Variants in SALL3 observed in about 807,000 individuals in gnomAD.
SALL3 encodes spalt like transcription factor 3, also known as sal-like protein 3.
SALL3 carries 25 observed loss-of-function variants against 66.2 expected under a neutral mutation model. The observed-to-expected ratio is 0.38, with a 90% CI of 0.28 to 0.53. The LOEUF is 0.53. Ranked by LOEUF, SALL3 falls within the 20% of genes least tolerant of loss-of-function variation. The probability of loss-of-function intolerance (pLI) is 0.85; values close to 1 mark genes in which losing one functional copy is unlikely to be tolerated. For synonymous variants in SALL3, 1,152 were observed against 899.1 expected, an observed-to-expected ratio of 1.28 and a Z score of -5.03; for missense variants, 2,194 against 1,916.5, an observed-to-expected ratio of 1.14 and a Z score of -2.70.
rs773605037 is a variant in SALL3, at chr18:78,994,634, G to A, written c.2643G>A (p.Ser881=). The A allele has an allele frequency of 3.0e-5, 49 of 1,608,882 alleles. 1 individual carries two copies. The Admixed American group carries it at 5.9e-4, about 19-fold the overall frequency. ...ACCGCCTGAGCAACGACTCCTCGTC[G>A]GCCGTGGGCGACCTGGAGAGCCGCA... ...ESDRLSNDSS[S]AVGDLESRSA... The change falls in exon 2 of 3, where the codon TCG becomes TCA. Residue 881 remains serine (S), a synonymous_variant. Coordinates refer to ENST00000537592, the MANE Select transcript of SALL3 (RefSeq NM_171999.4).
intron 1 of SALL3, among the ~76,000 whole-genome samples, chr18:78,982,417 C>A (rs1914102799): frequency 6.6e-6 from 1 of 152,186 alleles, no homozygotes; most frequent in Admixed American, 6.5e-5. Context: ...GCCCAAAATA[C>A]CCTGTGTGGG....
chr18:78,994,414 A>C lies in SALL3; in HGVS notation c.2423A>C (p.Asp808Ala), dbSNP rs775506841. 6.2e-7 allele frequency: 1 copy of C among 1,612,850 alleles called. No individual in the cohort carries two copies. Among genetic ancestry groups the C allele is most frequent in the South Asian group, 1.1e-5 (1 of 91,080 alleles). ...ATGGACGAGAACTCCATGGAGGACG[A>C]CGCTGAGCTGAAGGACGCGGCCACC... The part of the protein sequence containing the change: ...DDMDENSMED[D>A]AELKDAATDP... The change falls in exon 2 of 3, where the codon GAC becomes GCC. Residue 808 changes from aspartate (D) to alanine (A), a missense_variant. Asp to Ala is a moderately radical substitution (Grantham distance 126, BLOSUM62 -2). Coordinates refer to ENST00000537592, the MANE Select transcript of SALL3 (RefSeq NM_171999.4).
chr18:78,994,007 C>T lies in SALL3; in HGVS notation c.2016C>T (p.Asp672=). The T allele has an allele frequency of 6.2e-7, 1 of 1,612,474 alleles. No homozygotes were observed. The highest frequency in any genetic ancestry group is 8.5e-7 in the Non-Finnish European group (1 of 1,179,764). The stretch of plus-strand genomic sequence containing the variant: ...TGCAGCAGCTGGTGGAGAACATCGA[C>T]AAGAAGATGACGGACCCGAACCAGT... ...SKLQQLVENI[D]KKMTDPNQCV... is the part of the protein sequence containing the mutation. The change falls in exon 2 of 3, where the codon GAC becomes GAT. Residue 672 remains aspartate, a synonymous_variant. Coordinates refer to ENST00000537592, the MANE Select transcript of SALL3 (RefSeq NM_171999.4).
rs148335210 is a variant in SALL3 at position 78,997,145 on chromosome 18, C to G, written c.3726C>G (p.Pro1242=). Residue 1242 remains proline (P), a synonymous_variant, in exon 3 of 3, where the codon CCC becomes CCG. Coordinates refer to ENST00000537592, the MANE Select transcript of SALL3 (RefSeq NM_171999.4). Reference sequence around the variant, plus strand: ...AGAACGGCGGCATCCCCCAGCTCCCCGTGAGTCTTGGGGGCAGCGCCCTCC... The same window carrying G: ...AGAACGGCGGCATCCCCCAGCTCCCGGTGAGTCTTGGGGGCAGCGCCCTCC... ...VIQNGGIPQL[P]VSLGGSALPP... is the part of the protein sequence containing the mutation. 5.0e-6 allele frequency: 8 copies of G among 1,613,920 alleles called. No individual in the cohort carries two copies. The South Asian group carries it at 6.6e-5, about 13-fold the overall frequency.
In SALL3 at chr18:78,997,255, CAG is replaced by C. The variant is rs1914729357; in HGVS notation, c.3838_3839del (p.Glu1280AsnfsTer14). 2.5e-6 allele frequency: 4 copies of C among 1,613,902 alleles called. No homozygotes were observed. The African/African-American group carries it at 5.3e-5, about 22-fold the overall frequency. ...ATCGTCAGCTTGGACAAAGCGAGCT[CAG>C]AAACAGCAGCCAGCCGCCCATTCAC... is the stretch of plus-strand genomic sequence containing the variant. On this transcript the variant is annotated frameshift_variant, in exon 3 of 3. Coordinates refer to ENST00000537592, the MANE Select transcript of SALL3 (RefSeq NM_171999.4). LOFTEE classifies it high-confidence loss of function.
In SALL3 at chr18:78,992,060, T is replaced by G. The variant is rs757595245; in HGVS notation, c.83-14T>G. The G allele has an allele frequency of 6.9e-7, 1 of 1,449,414 alleles. No individual in the cohort carries two copies. The highest frequency in any genetic ancestry group is 1.5e-5 in the African/African-American group (1 of 68,648). 89.8% of individuals were successfully genotyped at this position (1,449,414 alleles called of 1,614,324 possible). ...GCGCCGAGCCCCGGCTGACTCACTC[T>G]CTTGGTCTTGCAGCCGCCCCGGGGG... is the stretch of plus-strand genomic sequence containing the variant. On this transcript the variant is annotated splice_polypyrimidine_tract_variant and intron_variant, in intron 1 of 2. Transcript: ENST00000537592.
chr18:78,996,354 C>G (rs1166397370), intron 2 of SALL3, among the ~76,000 whole-genome samples: 1 of 152,248 alleles, frequency 6.6e-6, no homozygotes, highest in African/African-American at 2.4e-5. Flanking sequence ...GCCCAAAGAT[C>G]GATGCCTGTG....
Position 78,994,222 on chromosome 18 carries a change from G to A in SALL3, c.2231G>A (p.Cys744Tyr). The stretch of plus-strand genomic sequence containing the variant: ...CGCGTGCAGCACTCCTGCCCCATCT[G>A]CCAGAAGAAGTTCACCAACGCCGTG... Reference protein sequence around the residue: ...PLRVQHSCPICQKKFTNAVVL... With the variant: ...PLRVQHSCPIYQKKFTNAVVL... The change falls in exon 2 of 3, where the codon TGC becomes TAC. Residue 744 changes from cysteine (C) to tyrosine (Y), a missense_variant. Cys to Tyr is a radical substitution (Grantham distance 194). Coordinates refer to ENST00000537592, the MANE Select transcript of SALL3 (RefSeq NM_171999.4). 6.2e-7 allele frequency: 1 copy of A among 1,613,660 alleles called. No individual in the cohort carries two copies. Among genetic ancestry groups the A allele is most frequent in the Non-Finnish European group, 8.5e-7 (1 of 1,179,996 alleles).
chr18:78,993,036 G>A lies in SALL3; in HGVS notation c.1045G>A (p.Gly349Arg). ...ATCCACGCCGCCTGCCCTGGCCCCG[G>A]GGTCCCTGCTGGGTGCGGCGCCCGG... Reference protein sequence around the residue: ...SASTPPALAPGSLLGAAPGLP... With the variant: ...SASTPPALAPRSLLGAAPGLP... The change falls in exon 2 of 3, where the codon GGG (glycine) becomes AGG (arginine). Residue 349 changes from glycine to arginine, a missense_variant. Coordinates refer to ENST00000537592, the MANE Select transcript of SALL3 (RefSeq NM_171999.4). The A allele has an allele frequency of 6.4e-7, 1 of 1,574,214 alleles. No homozygotes were observed. The highest frequency in any genetic ancestry group is 8.6e-7 in the Non-Finnish European group (1 of 1,167,508).
rs1179196194 is a variant in SALL3, at chr18:78,980,368, G to A, written c.82+12G>A. 4 of 1,406,264 alleles carry A rather than the reference G, an allele frequency of 2.8e-6. No individual in the cohort carries two copies. The highest frequency in any genetic ancestry group is 3.7e-6 in the Non-Finnish European group (4 of 1,071,478). 87.1% of individuals were successfully genotyped at this position (1,406,264 alleles called of 1,614,324 possible). A position where few individuals can be genotyped will look rare whatever the true frequency, so the allele number is the denominator to read the frequency against. On this transcript the variant is annotated intron_variant, in intron 1 of 2. Coordinates refer to ENST00000537592, the MANE Select transcript of SALL3 (RefSeq NM_171999.4). ...GGCTCCCGAGCACGGTGAGGGCCGG[G>A]GCTGCGGGGTGGCCGGGGGGTCTGG...
At chr18:78,985,633 C>G (rs1218984342) in intron 1 of SALL3, among the ~76,000 whole-genome samples, 1 of 152,154 alleles carries the variant, frequency 6.6e-6, no homozygotes, top group African/African-American at 2.4e-5. Context: ...TCGCCTGATC[C>G]CGAGTGTGAG....
chr18:78,985,306 A>T (rs1439499667), intron 1 of SALL3, among the ~76,000 whole-genome samples: 1 of 152,232 alleles, frequency 6.6e-6, no homozygotes, highest in African/African-American at 2.4e-5. Flanking sequence ...CATCTAGTTC[A>T]GCACAAGTGT....
At position 78,992,475 on chromosome 18, in the gene SALL3, C is replaced by CCCAGCACCAACGTGA; in HGVS notation, c.487_501dup (p.Ser163_Thr167dup). On this transcript the variant is annotated inframe_insertion, in exon 2 of 3. Transcript: ENST00000537592. ...ACCCCCAACGCCCGCCTACGGCGCG[C>CCCAGCACCAACGTGA]CCAGCACCAACGTGACCCTGGAGGC... is the stretch of plus-strand genomic sequence containing the variant. The CCCAGCACCAACGTGA allele has an allele frequency of 6.9e-7, 1 of 1,457,388 alleles. No individual in the cohort carries two copies. 90.3% of individuals were successfully genotyped at this position (1,457,388 alleles called of 1,614,324 possible).
intron 1 of SALL3, among the ~76,000 whole-genome samples, chr18:78,987,806 T>C (rs963260376): frequency 2.0e-5 from 3 of 152,224 alleles, no homozygotes; most frequent in Non-Finnish European, 4.4e-5. Context: ...GTTCTGTTAG[T>C]TGGTGAACTG....
At chr18:78,981,623 G>A (rs973120391) in intron 1 of SALL3, among the ~76,000 whole-genome samples, 2 of 152,160 alleles carry the variant, frequency 1.3e-5, no homozygotes, top group African/African-American at 4.8e-5. Context: ...TGAGCTCGCT[G>A]GGGTCTTTTT....
rs1202135566 is a variant in SALL3 at position 78,980,199 on chromosome 18, GGCCGCCCCGC to G, written c.-71_-62del. ...CGCGCCCCGCGCCGCGCGCCCGCCA[GGCCGCCCCGC>G]GCCGTCCCCGCCGGCCGCCCCGCTG... On this transcript the variant is annotated 5_prime_UTR_variant, in exon 1 of 3. An upstream open reading frame in the 5' UTR gains an earlier in-frame stop. Coordinates refer to ENST00000537592, the MANE Select transcript of SALL3 (RefSeq NM_171999.4). The G allele has an allele frequency of 2.1e-5, 14 of 679,330 alleles. No individual in the cohort carries two copies. The highest frequency in any genetic ancestry group is 1.4e-4 in the East Asian group (1 of 7,132). 42.1% of individuals were successfully genotyped at this position (679,330 alleles called of 1,614,324 possible).
chr18:78,981,307 A>G, intron 1 of SALL3, among the ~76,000 whole-genome samples: 1 of 152,134 alleles, frequency 6.6e-6, no homozygotes, highest in East Asian at 1.9e-4. Context: ...CCAGGGCGCC[A>G]GGAAAGAGGG....
chr18:78,980,797 A>G (rs1319611842), intron 1 of SALL3, among the ~76,000 whole-genome samples: 2 of 151,978 alleles, frequency 1.3e-5, no homozygotes, highest in African/African-American at 4.8e-5. Context: ...CCGCCCGGCC[A>G]GCTTTGTTCG....
Position 78,994,796 on chromosome 18 carries a change from C to G in SALL3, c.2805C>G (p.Thr935=). 6.3e-7 allele frequency: 1 copy of G among 1,597,180 alleles called. No homozygotes were observed. Among genetic ancestry groups the G allele is most frequent in the Admixed American group, 1.7e-5 (1 of 58,602 alleles). ...PEEPQEIPLK[T]ERPDSPAAAP... ...AGCCCCAGGAAATCCCGCTCAAGAC[C>G]GAGAGGCCGGACAGCCCAGCCGCCG... is the stretch of plus-strand genomic sequence containing the variant. The change falls in exon 2 of 3, where the codon ACC becomes ACG. Residue 935 remains threonine, a synonymous_variant. Transcript: ENST00000537592.
Sources: gnomAD v4.1 joint callset for allele counts (sites outside exome capture counted in the v4.1 genomes callset) on GRCh38, gnomAD v4.1.1 for gene constraint, MANE v1.5 for transcripts, NCBI Gene and HGNC (gene_info 2026-07-23, HGNC 2026-07-21) for gene names.